DNM2: variants seen among roughly 807,000 people sequenced by gnomAD.
DNM2 encodes the protein dynamin-2.
Under a neutral mutation model 99.0 loss-of-function variants are expected in DNM2, and 15 were observed. The observed-to-expected ratio is 0.15, with a 90% CI of 0.10 to 0.23. The LOEUF is 0.23. DNM2 is among the 10% of genes least tolerant of loss of function. The probability of loss-of-function intolerance (pLI) is 1.00; values close to 1 mark genes in which losing one functional copy is unlikely to be tolerated. For synonymous variants in DNM2, 525 were observed against 481.2 expected (o/e 1.09, Z -1.19); for missense variants, 742 against 1,189.4 (o/e 0.62, Z 5.53).
chr19:10,810,226 C>T (rs1239233273), intron 14 of DNM2: 1 of 153,318 alleles, frequency 6.5e-6, no homozygotes, highest in African/African-American at 2.4e-5. Context: ...GCCTGCCTGT[C>T]ACTGTGCACC....
chr19:10,800,914 C>T (rs952077919), intron 11 of DNM2, among the ~76,000 whole-genome samples: 7 of 152,178 alleles, frequency 4.6e-5, no homozygotes, highest in South Asian at 2.1e-4. Flanking sequence ...TGTGTGTGTG[C>T]GCGCGTGCAC....
rs1331843650 is a variant in DNM2 at position 10,831,785 on chromosome 19, G to A, written c.*738G>A. 8.1e-6 allele frequency: 8 copies of A among 986,992 alleles called. No homozygotes were observed. Among genetic ancestry groups the A allele is most frequent in the Non-Finnish European group, 9.6e-6 (8 of 830,910 alleles). 61.1% of individuals were successfully genotyped at this position (986,992 alleles called of 1,614,324 possible). On this transcript the variant is annotated 3_prime_UTR_variant, in exon 21 of 21. Transcript: ENST00000389253. This position sits in a 1 kb window ranked among gnomAD's most constrained non-coding sequence, Gnocchi z 4.3. ...CCGCCCATGCCTCCCTGATGGGTGG[G>A]CCCAGGGCGGCCTCTCTCTGAGGAG...
chr19:10,779,214 CAA>C (rs771369368), intron 5 of DNM2, among the ~76,000 whole-genome samples: 18 of 100,426 alleles, frequency 1.8e-4, no homozygotes, highest in Admixed American at 3.2e-4. Flanking sequence ...GGGTCTGTCT[CAA>C]AAAAAAAAAA....
intron 1 of DNM2, among the ~76,000 whole-genome samples, chr19:10,720,502 C>G (rs1443833274): frequency 6.6e-6 from 1 of 152,050 alleles, no homozygotes; most frequent in Non-Finnish European, 1.5e-5. Context: ...TGTGAGCCAC[C>G]AAGCCTCGCC....
intron 1 of DNM2, among the ~76,000 whole-genome samples, chr19:10,742,824 G>C (rs1001913531): frequency 1.3e-5 from 2 of 152,092 alleles, no homozygotes; most frequent in South Asian, 2.1e-4. Flanking sequence ...TGCAAAACAG[G>C]GTTGGCCAGA....
intron 1 of DNM2, among the ~76,000 whole-genome samples, chr19:10,749,526 C>T (rs1347826641): frequency 6.6e-6 from 1 of 152,210 alleles, no homozygotes; most frequent in Non-Finnish European, 1.5e-5. Flanking sequence ...TGGCTGGGCC[C>T]TCTGTGGCAG....
At chr19:10,747,319 C>T (rs1266810505) in intron 1 of DNM2, among the ~76,000 whole-genome samples, 1 of 152,238 alleles carries the variant, frequency 6.6e-6, no homozygotes, top group Middle Eastern at 3.4e-3. Flanking sequence ...CCTGACCTGC[C>T]CATCTTGTCC....
chr19:10,772,479 A>G lies in DNM2; in HGVS notation c.236A>G (p.Glu79Gly). ...LILQLIFSKT[E>G]HAEFLHCKSK... Reference sequence around the variant, plus strand: ...TTCAGCATCTCTCTTCCCTTTCTAGAACATGCCGAGTTTTTGCACTGCAAG... The same window carrying G: ...TTCAGCATCTCTCTTCCCTTTCTAGGACATGCCGAGTTTTTGCACTGCAAG... The change falls in exon 3 of 21, where the codon GAA becomes GGA. Residue 79 changes from glutamate (E) to glycine (G), a missense_variant and splice_region_variant. Transcript: ENST00000389253. The surrounding 1 kb of genome is among the most constrained non-coding windows in gnomAD (Gnocchi z 4.9). 4 of 1,614,084 alleles carry G rather than the reference A, an allele frequency of 2.5e-6. No individual in the cohort carries two copies. The highest frequency in any genetic ancestry group is 1.7e-6 in the Non-Finnish European group (2 of 1,180,022).
At chr19:10,718,623 G>T in intron 1 of DNM2, 1 of 584,792 alleles carries the variant, frequency 1.7e-6, no homozygotes, top group Non-Finnish European at 2.4e-6. Flanking sequence ...CGGTGTCACG[G>T]GCCAGGGCGC....
rs1326098133 is a variant in DNM2, at chr19:10,802,327, A to T, written c.1462A>T (p.Thr488Ser). The T allele has an allele frequency of 1.9e-6, 3 of 1,613,936 alleles. No homozygotes were observed. In the African/African-American group the frequency reaches 4.0e-5, roughly 22 times the overall value. Residue 488 changes from threonine to serine, a missense_variant, in exon 12 of 21, where the codon ACG becomes TCG. Transcript: ENST00000389253. ...LIDIEQSYIN[T>S]NHEDFIGFAN... is the part of the protein sequence containing the mutation. ...CGACATTGAGCAGTCCTACATCAAC[A>T]CGAACCATGAGGACTTCATCGGGTT...
intron 13 of DNM2, among the ~76,000 whole-genome samples, chr19:10,807,634 C>T (rs1399218424): frequency 6.7e-6 from 1 of 148,812 alleles, no homozygotes; most frequent in Non-Finnish European, 1.5e-5. Flanking sequence ...CCACAACCTC[C>T]GCCTCCTAGC....
chr19:10,794,605 G>A (rs1030028840), intron 8 of DNM2, among the ~76,000 whole-genome samples: 12 of 151,910 alleles, frequency 7.9e-5, no homozygotes, highest in African/African-American at 2.7e-4. Context: ...ATCCAGGTGT[G>A]GTGGCATGTG....
chr19:10,803,027 G>A (rs932294180), intron 12 of DNM2, among the ~76,000 whole-genome samples: 5 of 152,264 alleles, frequency 3.3e-5, no homozygotes, highest in Admixed American at 2.0e-4. Flanking sequence ...ATGCCCTCTC[G>A]CTGGGCCCTG....
intron 1 of DNM2, among the ~76,000 whole-genome samples, chr19:10,729,185 A>AAAT (rs2069219000): frequency 8.0e-6 from 1 of 124,376 alleles, no homozygotes. Flanking sequence ...AAAAAAAAAA[A>AAAT]AAAAATATAA....
chr19:10,744,361 A>G (rs2069882745), intron 1 of DNM2, among the ~76,000 whole-genome samples: 1 of 152,122 alleles, frequency 6.6e-6, no homozygotes, highest in South Asian at 2.1e-4. Flanking sequence ...TGGGGGTGGG[A>G]CAAAGACCTC....
In DNM2 at chr19:10,817,535, C is replaced by T. The variant is rs754481045; in HGVS notation, c.1672-2445C>T. 7.2e-5 allele frequency: 31 copies of T among 432,198 alleles called. No individual in the cohort carries two copies. The highest frequency in any genetic ancestry group is 1.4e-4 in the Non-Finnish European group (30 of 211,854). The allele number at this position is 432,198 out of a possible 1,614,324, so 26.8% of individuals were successfully genotyped here. On this transcript the variant is annotated intron_variant, in intron 15 of 20. Coordinates refer to ENST00000389253, the MANE Select transcript of DNM2 (RefSeq NM_001005361.3). This position sits in a 1 kb window ranked among gnomAD's most constrained non-coding sequence, Gnocchi z 4.6. Reference sequence around the variant, plus strand: ...CATCCTGCAGAACCCCCCAGGCAGACGCTGGGGCCACCAGGCCAGGCCGTG... The same window carrying T: ...CATCCTGCAGAACCCCCCAGGCAGATGCTGGGGCCACCAGGCCAGGCCGTG...
chr19:10,758,351 C>CTCCTTCCTTCCT (rs2070480440), intron 1 of DNM2, among the ~76,000 whole-genome samples: 1 of 103,514 alleles, frequency 9.7e-6, no homozygotes, highest in Non-Finnish European at 2.0e-5. Context: ...CCTTCCTTCC[C>CTCCTTCCTTCCT]TCCCTCCTTC....
chr19:10,753,523 C>T (rs903906035), intron 1 of DNM2, among the ~76,000 whole-genome samples: 7 of 141,908 alleles, frequency 4.9e-5, no homozygotes, highest in African/African-American at 1.5e-4. Context: ...TTTTTTCTCA[C>T]TTAGTACACC....
intron 7 of DNM2, among the ~76,000 whole-genome samples, chr19:10,791,119 T>A (rs1053509183): frequency 6.6e-6 from 1 of 151,592 alleles, no homozygotes; most frequent in African/African-American, 2.4e-5. Context: ...CAAGGTCTCT[T>A]GTTCTGTTGC....
Sources: gnomAD v4.1 joint callset for allele counts (sites outside exome capture counted in the v4.1 genomes callset) on GRCh38, gnomAD v4.1.1 for gene constraint, Gnocchi (gnomAD v3.1) non-coding constraint, MANE v1.5 for transcripts, NCBI Gene and HGNC (gene_info 2026-07-23, HGNC 2026-07-21) for gene names.